Variants in MMP26 observed in about 807,000 individuals in gnomAD.
MMP26 encodes the protein matrix metallopeptidase 26.
A neutral mutation model predicts 31.0 loss-of-function variants in MMP26; 33 were observed. The ratio of observed to expected loss-of-function variants is 1.06; its 90% confidence interval spans 0.81 to 1.42. MMP26 has a LOEUF of 1.42. Among genes scored for constraint, MMP26 ranks in the 40% most tolerant of loss-of-function variants. The pLI, the probability that MMP26 is intolerant of heterozygous loss-of-function variation, is 0.00. For missense variants in MMP26, 347 were observed against 316.1 expected (o/e 1.10, Z -0.74); for synonymous variants, 122 against 114.9 (o/e 1.06, Z -0.40).
At position 4,850,308 on chromosome 11, in the gene MMP26, C is replaced by A. The variant is rs139093162; in HGVS notation, c.-145+82967C>A. On this transcript the variant is annotated intron_variant, in intron 2 of 7. Coordinates refer to ENST00000380390, the MANE Select transcript of MMP26 (RefSeq NM_021801.5). ...AGATCTTAACAGACACATCTTAATG[C>A]CTCTTTCAGAGTCATCAGTTAGGAA... Among the ~76,000 whole-genome samples the A allele has an allele frequency of 3.5e-3, 539 of 152,228 alleles. 2 individuals carry two copies. The highest frequency in any genetic ancestry group is 0.012 in the African/African-American group (505 of 41,524).
At chr11:4,822,206 T>G in intron 2 of MMP26, 2 of 1,594,962 alleles carry the variant, frequency 1.3e-6, no homozygotes, top group Non-Finnish European at 1.7e-6. Context: ...AGTTTGTCTC[T>G]TGTCCATCGC....
At chr11:4,904,706 T>C (rs1419618101) in intron 2 of MMP26, among the ~76,000 whole-genome samples, 1 of 152,084 alleles carries the variant, frequency 6.6e-6, no homozygotes, top group Admixed American at 6.6e-5. Context: ...CTTTACCGCT[T>C]AAAATATGAG....
rs1851042978 is a variant in MMP26, at chr11:4,914,545, C to T, written c.-144-73523C>T. 4.3e-5 allele frequency: 10 copies of T among 230,212 alleles called. No individual in the cohort carries two copies. The East Asian group carries it at 6.2e-4, about 14-fold the overall frequency. The allele number at this position is 230,212 out of a possible 1,614,324, so 14.3% of individuals were successfully genotyped here. On this transcript the variant is annotated intron_variant, in intron 2 of 7. Transcript: ENST00000380390. ...ATTTACCACATCATATTACATTTTA[C>T]CCCCCCCTGCCCTGGCCACAACAGA...
intron 2 of MMP26, chr11:4,946,409 G>T: frequency 6.2e-7 from 1 of 1,612,786 alleles, no homozygotes; most frequent in East Asian, 2.2e-5. Flanking sequence ...CTCCTTTTTG[G>T]ATGCAATTCC....
chr11:4,748,122 T>C (rs1848402840), intron 1 of MMP26, among the ~76,000 whole-genome samples: 1 of 151,920 alleles, frequency 6.6e-6, no homozygotes, highest in Non-Finnish European at 1.5e-5. Context: ...GACATTACAA[T>C]TGATATCATA....
chr11:4,934,426 G>GT, intron 2 of MMP26, among the ~76,000 whole-genome samples: 1 of 28,598 alleles, frequency 3.5e-5, no homozygotes, highest in Non-Finnish European at 6.1e-5. Context: ...GGGGTTGTTT[G>GT]TTTTTTTCTT....
intron 2 of MMP26, among the ~76,000 whole-genome samples, chr11:4,777,543 A>G: frequency 6.6e-6 from 1 of 152,162 alleles, no homozygotes; most frequent in Non-Finnish European, 1.5e-5. Context: ...ATTTGAATAC[A>G]TCCATGTTAC....
chr11:4,843,833 T>G (rs770240335), intron 2 of MMP26, among the ~76,000 whole-genome samples: 1 of 152,248 alleles, frequency 6.6e-6, no homozygotes, highest in Non-Finnish European at 1.5e-5. Flanking sequence ...TCTGCTTCCC[T>G]TTTAAATATA....
chr11:4,869,115 T>C (rs898544774), intron 2 of MMP26, among the ~76,000 whole-genome samples: 1 of 152,180 alleles, frequency 6.6e-6, no homozygotes, highest in African/African-American at 2.4e-5. Flanking sequence ...ATAAAAATCC[T>C]ACAAGAAAAC....
intron 2 of MMP26, among the ~76,000 whole-genome samples, chr11:4,842,139 T>C (rs747365487): frequency 6.6e-6 from 1 of 152,170 alleles, no homozygotes; most frequent in Non-Finnish European, 1.5e-5. Flanking sequence ...CATCAACTTT[T>C]CAAGACATAG....
intron 2 of MMP26, among the ~76,000 whole-genome samples, chr11:4,781,101 C>T (rs1169318922): frequency 6.6e-6 from 1 of 151,992 alleles, no homozygotes; most frequent in Non-Finnish European, 1.5e-5. Context: ...ACAGCTCCAG[C>T]CAGGGGCTGG....
chr11:4,845,925 T>A (rs146685903), intron 2 of MMP26, among the ~76,000 whole-genome samples: 2 of 152,228 alleles, frequency 1.3e-5, no homozygotes, highest in Non-Finnish European at 2.9e-5. Flanking sequence ...ATGGCTGATA[T>A]CCAAAAGACA....
At chr11:4,745,246 A>G (rs1848364921) in intron 1 of MMP26, among the ~76,000 whole-genome samples, 1 of 152,216 alleles carries the variant, frequency 6.6e-6, no homozygotes, top group South Asian at 2.1e-4. Flanking sequence ...AAAGATCAAA[A>G]CGAATATGTT....
Position 4,907,678 on chromosome 11 carries a change from C to A in MMP26, c.-144-80390C>A, listed in dbSNP as rs142232152. 203 of 1,613,908 alleles carry A rather than the reference C, an allele frequency of 1.3e-4. No homozygotes were observed. Among genetic ancestry groups the A allele is most frequent in the Non-Finnish European group, 1.6e-4 (187 of 1,179,968 alleles). Reference sequence around the variant, plus strand: ...ATGCCTGCTTTGCTCAAGAATTCTTCATTCATGGATTCACTGTCATGGAAT... The same window carrying A: ...ATGCCTGCTTTGCTCAAGAATTCTTAATTCATGGATTCACTGTCATGGAAT... On this transcript the variant is annotated intron_variant, in intron 2 of 7. Coordinates refer to ENST00000380390, the MANE Select transcript of MMP26 (RefSeq NM_021801.5).
At chr11:4,895,611 C>T (rs1850688269) in intron 2 of MMP26, among the ~76,000 whole-genome samples, 1 of 152,130 alleles carries the variant, frequency 6.6e-6, no homozygotes, top group South Asian at 2.1e-4. Context: ...GTGAATAGTG[C>T]CAACATCAAG....
At chr11:4,814,566 G>A (rs543429444) in intron 2 of MMP26, among the ~76,000 whole-genome samples, 3 of 152,216 alleles carry the variant, frequency 2.0e-5, no homozygotes, top group South Asian at 2.1e-4. Context: ...AAATCGTTTC[G>A]GTCTACACAG....
At chr11:4,972,791 G>A (rs142162057) in intron 2 of MMP26, among the ~76,000 whole-genome samples, 197 of 152,264 alleles carry the variant, frequency 1.3e-3, no homozygotes, top group African/African-American at 4.6e-3. Flanking sequence ...CCTGAATACT[G>A]AACCAACAGA....
intron 2 of MMP26, among the ~76,000 whole-genome samples, chr11:4,775,112 C>T (rs1296860770): frequency 6.6e-6 from 1 of 152,112 alleles, no homozygotes; most frequent in Non-Finnish European, 1.5e-5. Context: ...GCTATACAGG[C>T]TCTTTTCTGG....
chr11:4,754,421 T>C (rs1848482518), intron 1 of MMP26, among the ~76,000 whole-genome samples: 1 of 152,034 alleles, frequency 6.6e-6, no homozygotes, highest in African/African-American at 2.4e-5. Context: ...ATGTATTATA[T>C]GAAATGTAAT....
Sources: allele counts gnomAD v4.1 joint callset (sites outside exome capture counted in the v4.1 genomes callset), GRCh38; gene constraint gnomAD v4.1.1; transcripts MANE v1.5; gene names NCBI Gene and HGNC (gene_info 2026-07-23, HGNC 2026-07-21).